The following WWOX variants were observed in gnomAD, a reference collection of about 807,000 sequenced individuals.
WWOX encodes WW domain containing oxidoreductase.
A neutral mutation model predicts 46.2 loss-of-function variants in WWOX; 69 were observed. The ratio of observed to expected loss-of-function variants is 1.49; its 90% CI spans 1.23 to 1.82. The LOEUF is 1.82. Among genes scored for constraint, WWOX ranks in the 40% most tolerant of loss-of-function variants. The pLI is 0.00. For missense variants in WWOX, 919 were observed against 542.6 expected (o/e 1.69, Z -6.89); for synonymous variants, 359 against 202.6 (o/e 1.77, Z -6.56).
chr16:78,114,076 C>T (rs1184766077), intron 3 of WWOX, among the ~76,000 whole-genome samples: 1 of 138,284 alleles, frequency 7.2e-6, no homozygotes, highest in Non-Finnish European at 1.6e-5. Context: ...GTACTCTTTT[C>T]ATCCATATGT....
At chr16:78,709,931 A>G (rs1173349342) in intron 8 of WWOX, among the ~76,000 whole-genome samples, 3 of 151,938 alleles carry the variant, frequency 2.0e-5, no homozygotes, top group African/African-American at 7.3e-5. Context: ...GGGTTTCACC[A>G]TGTTGCCCAG....
intron 8 of WWOX, among the ~76,000 whole-genome samples, chr16:78,539,735 A>G (rs1237871449): frequency 1.3e-5 from 2 of 152,184 alleles, no homozygotes; most frequent in Admixed American, 6.5e-5. Context: ...GCAGCTCATA[A>G]TTAGTAATGC....
At chr16:78,840,584 A>C (rs944357951) in intron 8 of WWOX, among the ~76,000 whole-genome samples, 1 of 152,052 alleles carries the variant, frequency 6.6e-6, no homozygotes, top group Non-Finnish European at 1.5e-5. Context: ...TAAGTCTTAA[A>C]ACTCAGTATC....
chr16:78,573,911 G>A (rs2044781977), intron 8 of WWOX, among the ~76,000 whole-genome samples: 1 of 152,206 alleles, frequency 6.6e-6, no homozygotes, highest in Non-Finnish European at 1.5e-5. Flanking sequence ...AGGAATCTGA[G>A]TATCAGACTT....
chr16:78,734,688 G>A (rs1044560402), intron 8 of WWOX, among the ~76,000 whole-genome samples: 2 of 151,750 alleles, frequency 1.3e-5, no homozygotes, highest in African/African-American at 4.8e-5. Flanking sequence ...TTCTGGGTGA[G>A]GTGAACATTT....
intron 8 of WWOX, among the ~76,000 whole-genome samples, chr16:78,843,400 GCCAA>G (rs2052212799): frequency 1.3e-5 from 2 of 150,116 alleles, no homozygotes; most frequent in Non-Finnish European, 3.0e-5. Context: ...ACTTAACAAA[GCCAA>G]TCGCCCATTC....
intron 8 of WWOX, among the ~76,000 whole-genome samples, chr16:78,809,157 A>C (rs2051122515): frequency 1.3e-5 from 2 of 152,090 alleles, no homozygotes; most frequent in Admixed American, 6.5e-5. Context: ...ATGCAATCTC[A>C]AGTCATAGGA....
At chr16:78,694,102 T>C (rs1421126334) in intron 8 of WWOX, among the ~76,000 whole-genome samples, 1 of 152,006 alleles carries the variant, frequency 6.6e-6, no homozygotes, top group African/African-American at 2.4e-5. Context: ...CGTGGTAGTG[T>C]GTGCATATAA....
intron 8 of WWOX, among the ~76,000 whole-genome samples, chr16:78,518,905 TG>T (rs1174970445): frequency 6.6e-6 from 1 of 152,188 alleles, no homozygotes; most frequent in African/African-American, 2.4e-5. Context: ...TACTCACGGG[TG>T]TTATGGTTCA....
chr16:78,535,706 T>C (rs2043742540), intron 8 of WWOX: 1 of 152,238 alleles, frequency 6.6e-6, no homozygotes, highest in Non-Finnish European at 1.5e-5. Context: ...TTACAATGTA[T>C]GTTGTGGTCT....
At chr16:78,902,064 A>T (rs549203879) in intron 8 of WWOX, among the ~76,000 whole-genome samples, 1 of 152,356 alleles carries the variant, frequency 6.6e-6, no homozygotes, top group African/African-American at 2.4e-5. Flanking sequence ...GAGAGCTGGC[A>T]AAATCGTCTT....
chr16:78,258,232 T>C (rs547936278), intron 5 of WWOX, among the ~76,000 whole-genome samples: 7 of 152,198 alleles, frequency 4.6e-5, no homozygotes, highest in African/African-American at 1.7e-4. Flanking sequence ...ATAGCATTAA[T>C]AACAAAAAAA....
intron 8 of WWOX, among the ~76,000 whole-genome samples, chr16:79,105,081 A>C (rs5009397): frequency 6.6e-6 from 1 of 151,916 alleles, no homozygotes; most frequent in Non-Finnish European, 1.5e-5. Context: ...ACAGACTGGA[A>C]CCAGCACAGG....
chr16:78,491,027 C>T (rs28642957), intron 8 of WWOX, among the ~76,000 whole-genome samples: 2,592 of 152,252 alleles, frequency 0.017, 70 homozygotes, highest in Admixed American at 0.045. Context: ...CCCTCTTGGC[C>T]AACTTCATGC....
chr16:78,954,224 G>A (rs1043809688), intron 8 of WWOX, among the ~76,000 whole-genome samples: 2 of 152,114 alleles, frequency 1.3e-5, no homozygotes, highest in Non-Finnish European at 2.9e-5. Flanking sequence ...TTGGGTGGAT[G>A]TATGGTTGGA....
Position 78,411,656 on chromosome 16 carries a change from A to G in WWOX, c.606-13214A>G, listed in dbSNP as rs73571059. Reference sequence around the variant, plus strand: ...TTGAGAATGGGTAGGTAAGATTAGAATAGTATTTTAATAAGTTTAACTAGG... The same window carrying G: ...TTGAGAATGGGTAGGTAAGATTAGAGTAGTATTTTAATAAGTTTAACTAGG... On this transcript the variant is annotated intron_variant, in intron 6 of 8. Coordinates refer to ENST00000566780, the MANE Select transcript of WWOX (RefSeq NM_016373.4). Among the ~76,000 whole-genome samples the G allele has an allele frequency of 9.8e-3, 1,496 of 152,302 alleles. 23 individuals carry two copies. Among genetic ancestry groups the G allele is most frequent in the African/African-American group, 0.033 (1,360 of 41,566 alleles).
chr16:78,732,911 T>G (rs1237611993), intron 8 of WWOX, among the ~76,000 whole-genome samples: 1 of 152,178 alleles, frequency 6.6e-6, no homozygotes, highest in South Asian at 2.1e-4. Flanking sequence ...TTCGCAAGAG[T>G]AAAGAAGTGG....
chr16:78,911,190 T>A (rs907950520), intron 8 of WWOX, among the ~76,000 whole-genome samples: 11 of 152,012 alleles, frequency 7.2e-5, no homozygotes, highest in African/African-American at 2.4e-4. Context: ...CAGCCCACTT[T>A]CCAGTTATCA....
chr16:78,845,567 A>G (rs1206454094), intron 8 of WWOX, among the ~76,000 whole-genome samples: 3 of 152,238 alleles, frequency 2.0e-5, no homozygotes, highest in East Asian at 1.9e-4. Flanking sequence ...GGGTTTTCCA[A>G]TGCCATATAA....
Sources: allele counts gnomAD v4.1 joint callset (sites outside exome capture counted in the v4.1 genomes callset), GRCh38; gene constraint gnomAD v4.1.1; transcripts MANE v1.5; gene names NCBI Gene and HGNC (gene_info 2026-07-23, HGNC 2026-07-21).